TBATA: variants seen among roughly 807,000 people sequenced by gnomAD.
The protein encoded by TBATA is protein TBATA.
A neutral mutation model predicts 38.7 loss-of-function variants in TBATA; 47 were observed. That is an observed-to-expected ratio of 1.21 (90% CI 0.96 to 1.55). The LOEUF (loss-of-function observed/expected upper bound fraction) is 1.55. TBATA is among the 40% of genes most tolerant of loss of function. The pLI, the probability that TBATA is intolerant of heterozygous loss-of-function variation, is 0.00. For synonymous variants in TBATA, 183 were observed against 170.5 expected (o/e 1.07, Z -0.57); for missense variants, 436 against 435.6 (o/e 1.00, Z -0.01).
intron 3 of TBATA, 96 bp from the exon 4 acceptor site, chr10:70,782,132 T>A: frequency 1.5e-6 from 2 of 1,348,152 alleles, no homozygotes; most frequent in Non-Finnish European, 2.0e-6. Context: ...AACCCCTTCC[T>A]GAGGAGCTCT....
At chr10:70,777,110 A>G in intron 7 of TBATA, 43 bp downstream of exon 7, 1 of 1,596,620 alleles carries the variant, frequency 6.3e-7, no homozygotes, top group Non-Finnish European at 8.5e-7. Flanking sequence ...TAAGACCCCT[A>G]ATGTGGAGAG....
At chr10:70,780,569 C>G (rs1038491807) in intron 4 of TBATA, among the ~76,000 whole-genome samples, 5 of 146,992 alleles carry the variant, frequency 3.4e-5, no homozygotes, top group African/African-American at 1.4e-4. Context: ...ACTTGAAACA[C>G]CCCCTCTCGA....
rs375121148 is a variant in TBATA at position 70,781,773 on chromosome 10, G to C, written c.277+28C>G. On this transcript the variant is annotated intron_variant, in intron 4 of 10. Transcript: ENST00000456372. ...AAGACCAATTAGTGATACTCCCTCT[G>C]CTCCCACCCCAACCAGCCAGGCCCT... is the stretch of plus-strand genomic sequence containing the variant. 4.5e-5 allele frequency: 72 copies of C among 1,594,468 alleles called. No individual in the cohort carries two copies. In the African/African-American group the frequency reaches 9.5e-4, roughly 21 times the overall value.
intron 1 of TBATA, among the ~76,000 whole-genome samples, chr10:70,785,082 C>T (rs1422699648): frequency 6.6e-6 from 1 of 152,212 alleles, no homozygotes. Context: ...GTAGGCCAAG[C>T]CTGCCTTGTC....
intron 3 of TBATA, 167 bp from the exon 4 acceptor site, chr10:70,782,203 A>G: frequency 7.8e-7 from 1 of 1,287,208 alleles, no homozygotes; most frequent in Non-Finnish European, 1.1e-6. Flanking sequence ...GGCCTCCCCC[A>G]GAGTCCTTTC....
chr10:70,781,890 G>A lies in TBATA; in HGVS notation c.188C>T (p.Thr63Ile), dbSNP rs144879427. 7.3e-4 allele frequency: 1,183 copies of A among 1,614,224 alleles called. 8 individuals carry two copies. The African/African-American group carries it at 0.012, about 16-fold the overall frequency. The change falls in exon 4 of 11, where the codon ACC becomes ATC. Residue 63 changes from threonine to isoleucine, a missense_variant. Physicochemically the swap from Thr to Ile is moderately conservative, Grantham distance 89. Coordinates refer to ENST00000456372, the MANE Select transcript of TBATA (RefSeq NM_001318241.2). ...GCGTCCAAAGCAGTAGGTGCCAGGG[G>A]TTTGGGGCTTTGGGGTCCTCAATGC... ...RRALRTPKPQ[T>I]PGTYCFGRLS...
rs2132847215 is a variant in TBATA at position 70,775,241 on chromosome 10, T to A, written c.723A>T (p.Glu241Asp). Reference sequence around the variant, plus strand: ...ACTGGATTGCGCTTAGCAAGTCTGTTTCCAGGATCCGACACAGGAGCTCCA... The same window carrying A: ...ACTGGATTGCGCTTAGCAAGTCTGTATCCAGGATCCGACACAGGAGCTCCA... The part of the protein sequence containing the change: ...LVLELLCRIL[E>D]TDLLSAIQFW... Residue 241 changes from glutamate to aspartate, a missense_variant, in exon 8 of 11, where the codon GAA (glutamate) becomes GAT (aspartate). Glu to Asp is a conservative substitution (Grantham distance 45). Transcript: ENST00000456372. 2 of 1,614,144 alleles carry A rather than the reference T, an allele frequency of 1.2e-6. No homozygotes were observed. The highest frequency in any genetic ancestry group is 1.7e-4 in the Middle Eastern group (1 of 6,060).
At chr10:70,781,174 T>C (rs901815736) in intron 4 of TBATA, among the ~76,000 whole-genome samples, 1 of 152,246 alleles carries the variant, frequency 6.6e-6, no homozygotes, top group East Asian at 1.9e-4. Flanking sequence ...TTCTGGACTT[T>C]GTATTTGCTG....
At chr10:70,775,076 A>T (rs543398383) in intron 8 of TBATA, 113 bp downstream of exon 8, 12 of 961,734 alleles carry the variant, frequency 1.2e-5, no homozygotes, top group Non-Finnish European at 1.9e-5. Flanking sequence ...GCCTCCATGG[A>T]AGGCCCCCTC....
intron 7 of TBATA, among the ~76,000 whole-genome samples, chr10:70,775,875 T>C (rs762357214): frequency 6.6e-6 from 1 of 152,200 alleles, no homozygotes; most frequent in Non-Finnish European, 1.5e-5. Flanking sequence ...TGCAGAGCTG[T>C]GGGCATGCTT....
intron 7 of TBATA, among the ~76,000 whole-genome samples, chr10:70,776,084 C>T (rs1843355522): frequency 6.6e-6 from 1 of 152,118 alleles, no homozygotes. Flanking sequence ...AGGTGGAAGC[C>T]CTGGAGTCCT....
rs1234664155 is a variant in TBATA, at chr10:70,782,425, A to G, written c.42-389T>C. On this transcript the variant is annotated intron_variant, in intron 3 of 10. Coordinates refer to ENST00000456372, the MANE Select transcript of TBATA (RefSeq NM_001318241.2). ...CCCTGGGGATGGGGATGGTCTCAACAGGGGCCTCTCCCCAAGCCAGACTGT... is the reference window on the plus strand; with the variant it reads ...CCCTGGGGATGGGGATGGTCTCAACGGGGGCCTCTCCCCAAGCCAGACTGT... 5 of 1,298,156 alleles carry G rather than the reference A, an allele frequency of 3.9e-6. No homozygotes were observed. In the Middle Eastern group the frequency reaches 8.9e-4, roughly 232 times the overall value. The allele number at this position is 1,298,156 out of a possible 1,614,324, so 80.4% of individuals were successfully genotyped here. A position where few individuals can be genotyped will look rare whatever the true frequency, so the allele number is the denominator to read the frequency against.
intron 3 of TBATA, 44 bp from the exon 4 acceptor site, chr10:70,782,080 G>T (rs770987724): frequency 1.3e-6 from 2 of 1,587,514 alleles, no homozygotes; most frequent in Non-Finnish European, 1.7e-6. Context: ...GTCTCCTCTG[G>T]CAGTGGGCCC....
At position 70,775,110 on chromosome 10, in the gene TBATA, T is replaced by C. The variant is rs369425758; in HGVS notation, c.775+79A>G. 3.7e-4 allele frequency: 513 copies of C among 1,396,018 alleles called. 12 individuals are homozygous for C. The South Asian group carries it at 5.9e-3, about 16-fold the overall frequency. 86.5% of individuals were successfully genotyped at this position (1,396,018 alleles called of 1,614,324 possible). Reference sequence around the variant, plus strand: ...TCCAGGGTGGGAGCTGAGGGACATTTGAGTCCTGCAGAACCAGAGATCAAG... The same window carrying C: ...TCCAGGGTGGGAGCTGAGGGACATTCGAGTCCTGCAGAACCAGAGATCAAG... On this transcript the variant is annotated intron_variant, in intron 8 of 10. Transcript: ENST00000456372.
chr10:70,771,906 AG>A (rs1309774107), intron 10 of TBATA, among the ~76,000 whole-genome samples: 1 of 152,004 alleles, frequency 6.6e-6, no homozygotes, highest in Non-Finnish European at 1.5e-5. Flanking sequence ...CAGTAGCCAG[AG>A]GGGGCATGCA....
rs1002465816 is a variant in TBATA, at chr10:70,782,735, T to C, written c.41+604A>G. 80 of 766,018 alleles carry C rather than the reference T, an allele frequency of 1.0e-4. No homozygotes were observed. The African/African-American group carries it at 1.5e-3, about 14-fold the overall frequency. The allele number at this position is 766,018 out of a possible 1,614,324, so 47.5% of individuals were successfully genotyped here. A position where few individuals can be genotyped will look rare whatever the true frequency, so the allele number is the denominator to read the frequency against. On this transcript the variant is annotated intron_variant, in intron 3 of 10. Transcript: ENST00000456372. ...ACCCCTCCCCTTCCTGAGGACGCTA[T>C]GCATCTGCCCTTGGAGGAAGGTCAA...
At chr10:70,775,921 G>C (rs1190756375) in intron 7 of TBATA, among the ~76,000 whole-genome samples, 1 of 152,208 alleles carries the variant, frequency 6.6e-6, no homozygotes, top group Non-Finnish European at 1.5e-5. Flanking sequence ...TGACATCTTT[G>C]CTACTTCCGG....
chr10:70,781,753 C>A, intron 4 of TBATA, 48 bp downstream of exon 4: 1 of 1,538,800 alleles, frequency 6.5e-7, no homozygotes, highest in South Asian at 1.1e-5. Context: ...TTCTCAAGAC[C>A]AATTAGTGAT....
intron 4 of TBATA, among the ~76,000 whole-genome samples, chr10:70,780,107 A>G: frequency 6.6e-6 from 1 of 152,100 alleles, no homozygotes; most frequent in Middle Eastern, 3.2e-3. Context: ...TAAAGATGAG[A>G]ATGCTGGGGC....
Sources: allele counts gnomAD v4.1 joint callset (sites outside exome capture counted in the v4.1 genomes callset), GRCh38; gene constraint gnomAD v4.1.1; transcripts MANE v1.5; gene names NCBI Gene and HGNC (gene_info 2026-07-23, HGNC 2026-07-21).